Variants in PHYHIPL observed in about 807,000 individuals in gnomAD.
PHYHIPL encodes the protein phytanoyl-CoA hydroxylase-interacting protein-like.
Under a neutral mutation model 33.4 loss-of-function variants are expected in PHYHIPL, and 9 were observed. The observed-to-expected ratio is 0.27, with a 90% CI of 0.16 to 0.47. PHYHIPL has a LOEUF of 0.47. Among genes scored for constraint, PHYHIPL ranks in the 20% least tolerant of loss-of-function variants. The pLI is 0.99. For synonymous variants in PHYHIPL, 153 were observed against 154.1 expected, an observed-to-expected ratio of 0.99 and a Z score of 0.05; for missense variants, 365 against 460.7, an observed-to-expected ratio of 0.79 and a Z score of 1.90.
At chr10:59,242,660 T>C (rs531652866) in intron 4 of PHYHIPL, among the ~76,000 whole-genome samples, 1 of 152,084 alleles carries the variant, frequency 6.6e-6, no homozygotes, top group South Asian at 2.1e-4. Flanking sequence ...AAGCACATAC[T>C]AACACACTTG....
At chr10:59,219,297 T>C in intron 1 of PHYHIPL, 4 of 827,026 alleles carry the variant, frequency 4.8e-6, no homozygotes, top group Non-Finnish European at 5.8e-6. Flanking sequence ...ATGGAAGATA[T>C]TCTTTACGTA....
chr10:59,190,072 T>C (rs2133197918), intron 1 of PHYHIPL, among the ~76,000 whole-genome samples: 1 of 152,114 alleles, frequency 6.6e-6, no homozygotes, highest in Non-Finnish European at 1.5e-5. Flanking sequence ...TAAGTAAAAG[T>C]AGCATTTTAT....
Position 59,245,353 on chromosome 10 carries a change from A to G in PHYHIPL, c.893A>G (p.Gln298Arg). The change falls in exon 5 of 5, where the codon CAG becomes CGG. Residue 298 changes from glutamine to arginine, a missense_variant. This residue lies in a region of PHYHIPL where 196 missense variants were observed against 224.9 expected (regional missense o/e 0.87). Transcript: ENST00000373880. ...VGSPGDEFCK[Q>R]RLPQLNSKDN... ...TCACCAGGAGATGAATTTTGTAAGC[A>G]GCGCCTTCCTCAACTAAATTCTAAG... 1 of 1,614,198 alleles carries G rather than the reference A, an allele frequency of 6.2e-7. No individual in the cohort carries two copies. Among genetic ancestry groups the G allele is most frequent in the South Asian group, 1.1e-5 (1 of 91,082 alleles).
chr10:59,196,419 T>A (rs1838918726), intron 1 of PHYHIPL, among the ~76,000 whole-genome samples: 1 of 149,846 alleles, frequency 6.7e-6, no homozygotes, highest in African/African-American at 2.4e-5. Context: ...GTCAACATTT[T>A]TTTTTTTTTT....
In PHYHIPL at chr10:59,245,577, A is replaced by G; in HGVS notation, c.1117A>G (p.Ser373Gly). Residue 373 changes from serine to glycine, a missense_variant, in exon 5 of 5, where the codon AGT (serine) becomes GGT (glycine). This residue lies in a region of PHYHIPL where 17 missense variants were observed against 38.2 expected (regional missense o/e 0.45). Coordinates refer to ENST00000373880, the MANE Select transcript of PHYHIPL (RefSeq NM_032439.4). Reference sequence around the variant, plus strand: ...TCCCAGCTGCAAAACCTGTAATATCAGTGTTGGACGTTAATGCCCACTTTT... The same window carrying G: ...TCCCAGCTGCAAAACCTGTAATATCGGTGTTGGACGTTAATGCCCACTTTT... ...KDPSCKTCNI[S>G]VGR 1 of 1,599,996 alleles carries G rather than the reference A, an allele frequency of 6.3e-7. No homozygotes were observed. Among genetic ancestry groups the G allele is most frequent in the Non-Finnish European group, 8.5e-7 (1 of 1,174,422 alleles).
intron 1 of PHYHIPL, among the ~76,000 whole-genome samples, chr10:59,184,649 T>A (rs1039944712): frequency 3.3e-5 from 5 of 152,002 alleles, no homozygotes; most frequent in East Asian, 1.9e-4. Context: ...TAATTTTTTT[T>A]ATTGTATTAT....
At chr10:59,181,642 G>A (rs74807895) in intron 1 of PHYHIPL, among the ~76,000 whole-genome samples, 61 of 152,246 alleles carry the variant, frequency 4.0e-4, no homozygotes, top group Admixed American at 9.2e-4. Context: ...ACTAGGACAC[G>A]TAGCATGTAG....
chr10:59,239,950 A>G (rs1331712240), intron 4 of PHYHIPL, among the ~76,000 whole-genome samples: 1 of 152,082 alleles, frequency 6.6e-6, no homozygotes, highest in Non-Finnish European at 1.5e-5. Flanking sequence ...TTGTTTGAAG[A>G]CCATGGTTCC....
chr10:59,205,654 T>A (rs1839264544), intron 1 of PHYHIPL, among the ~76,000 whole-genome samples: 1 of 152,160 alleles, frequency 6.6e-6, no homozygotes, highest in Non-Finnish European at 1.5e-5. Context: ...CAGCTAATAT[T>A]TTTCAGGCAG....
At chr10:59,176,573 G>GC (rs1228303396), upstream of PHYHIPL, 1 of 161,726 alleles carries the variant, frequency 6.2e-6, no homozygotes, top group African/African-American at 5.0e-5. Context: ...CACGTTCCCC[G>GC]AGAGCAGCGT....
At chr10:59,228,833 C>A (rs1362919506) in intron 1 of PHYHIPL, among the ~76,000 whole-genome samples, 1 of 152,024 alleles carries the variant, frequency 6.6e-6, no homozygotes, top group African/African-American at 2.4e-5. Flanking sequence ...CTCTTTATTT[C>A]GATGGAGTCA....
intron 1 of PHYHIPL, among the ~76,000 whole-genome samples, chr10:59,211,575 C>G (rs1324656842): frequency 7.3e-6 from 1 of 137,840 alleles, no homozygotes; most frequent in Non-Finnish European, 1.5e-5. Flanking sequence ...GGGGTTTATC[C>G]ATGTTGGTCA....
chr10:59,206,208 T>C (rs1839280631), intron 1 of PHYHIPL, among the ~76,000 whole-genome samples: 1 of 152,198 alleles, frequency 6.6e-6, no homozygotes, highest in Non-Finnish European at 1.5e-5. Flanking sequence ...TCATGGTTTC[T>C]CATGGGTAGA....
chr10:59,240,974 T>C (rs1163587672), intron 4 of PHYHIPL, among the ~76,000 whole-genome samples: 1 of 152,168 alleles, frequency 6.6e-6, no homozygotes, highest in Non-Finnish European at 1.5e-5. Flanking sequence ...GCTACCAGTA[T>C]GAAAGCTGTG....
intron 1 of PHYHIPL, among the ~76,000 whole-genome samples, chr10:59,185,654 A>G (rs1299806389): frequency 1.3e-5 from 2 of 152,178 alleles, no homozygotes; most frequent in Non-Finnish European, 2.9e-5. Context: ...AATGATCGCC[A>G]TTCTAACTGG....
intron 1 of PHYHIPL, among the ~76,000 whole-genome samples, chr10:59,227,389 G>A (rs528531484): frequency 2.0e-5 from 3 of 152,122 alleles, no homozygotes; most frequent in Non-Finnish European, 4.4e-5. Flanking sequence ...TTTCTGCTAG[G>A]GTGAGAACTC....
In PHYHIPL at chr10:59,245,252, T is replaced by C. The variant is rs1319316529; in HGVS notation, c.792T>C (p.Thr264=). The C allele has an allele frequency of 4.3e-6, 7 of 1,613,954 alleles. No individual in the cohort carries two copies. The Admixed American group carries it at 6.7e-5, about 15-fold the overall frequency. The change falls in exon 5 of 5, where the codon ACT becomes ACC. Residue 264 remains threonine, a synonymous_variant. Coordinates refer to ENST00000373880, the MANE Select transcript of PHYHIPL (RefSeq NM_032439.4). ...IAAEKLFNPN[T]NLYFGDFYCM... ...CAGAAAAACTTTTTAACCCCAATAC[T>C]AACTTATACTTTGGGGACTTCTACT...
intron 1 of PHYHIPL, among the ~76,000 whole-genome samples, chr10:59,228,432 T>A (rs747016991): frequency 6.6e-6 from 1 of 152,190 alleles, no homozygotes; most frequent in Non-Finnish European, 1.5e-5. Flanking sequence ...TTTGGTGTTT[T>A]GTTGTGGTTA....
chr10:59,236,309 C>A (rs1840228010), intron 2 of PHYHIPL, among the ~76,000 whole-genome samples, 174 bp from the exon 3 acceptor site: 1 of 151,564 alleles, frequency 6.6e-6, no homozygotes, highest in Non-Finnish European at 1.5e-5. Context: ...TAAAGTTATA[C>A]TACTAAATTA....
Sources: allele counts gnomAD v4.1 joint callset (sites outside exome capture counted in the v4.1 genomes callset), GRCh38; gene constraint gnomAD v4.1.1; regional missense constraint gnomAD v4.1.1; transcripts MANE v1.5; gene names NCBI Gene and HGNC (gene_info 2026-07-23, HGNC 2026-07-21).